Variants in LMLN observed in about 807,000 individuals in gnomAD.
LMLN encodes the protein leishmanolysin like peptidase, also known as leishmanolysin-like peptidase.
Under a neutral mutation model 92.3 loss-of-function variants are expected in LMLN, and 70 were observed. The observed-to-expected ratio is 0.76, with a 90% CI of 0.63 to 0.92. The LOEUF (loss-of-function observed/expected upper bound fraction) is 0.92. LMLN is among the 40% of genes least tolerant of loss of function. The probability of loss-of-function intolerance (pLI) is 0.00; values close to 1 mark genes in which losing one functional copy is unlikely to be tolerated. For synonymous variants in LMLN, 308 were observed against 296.2 expected (o/e 1.04, Z -0.41); for missense variants, 691 against 814.6 (o/e 0.85, Z 1.85).
At chr3:197,999,436 A>G in intron 11 of LMLN, 94 bp downstream of exon 11, 1 of 810,544 alleles carries the variant, frequency 1.2e-6, no homozygotes, top group South Asian at 1.5e-5. Context: ...TTTTATGCTG[A>G]AGCAAAATAT....
At chr3:197,965,082 A>G (rs1466097434) in intron 1 of LMLN, among the ~76,000 whole-genome samples, 1 of 151,556 alleles carries the variant, frequency 6.6e-6, no homozygotes, top group African/African-American at 2.4e-5. Flanking sequence ...TGATATGATC[A>G]TAGCTCACTG....
At chr3:198,036,330 T>A (rs1044631880) in intron 15 of LMLN, among the ~76,000 whole-genome samples, 8 of 152,190 alleles carry the variant, frequency 5.3e-5, no homozygotes, top group African/African-American at 1.7e-4. Flanking sequence ...GTTGTATCCA[T>A]TCATTTGGAA....
chr3:198,040,486 A>G (rs1044766374), exon 16 of LMLN: 3 of 152,284 alleles, frequency 2.0e-5, no homozygotes, highest in Non-Finnish European at 2.9e-5. Context: ...TCTCAAGCTA[A>G]TGAAGTCCTA....
intron 5 of LMLN, among the ~76,000 whole-genome samples, chr3:197,978,770 C>T (rs1006167213): frequency 6.6e-6 from 1 of 152,140 alleles, no homozygotes; most frequent in African/African-American, 2.4e-5. Flanking sequence ...GTGGGCGGAT[C>T]ACCTGAGGTC....
In LMLN at chr3:198,037,816, A is replaced by G. The variant is rs547277583; in HGVS notation, c.1868-751A>G. 3.1e-4 allele frequency among the ~76,000 whole-genome samples: 47 copies of G among 152,344 alleles called. No individual in the cohort carries two copies. The Middle Eastern group carries it at 0.02, about 66-fold the overall frequency. On this transcript the variant is annotated intron_variant, in intron 15 of 15. Coordinates refer to ENST00000330198, the Ensembl canonical transcript of LMLN. ...GAATTAAAATATACCTCTAGTGCCC[A>G]AAATCTGTAGAATCTTCTGCTGTTT... is the stretch of plus-strand genomic sequence containing the variant.
At chr3:197,978,170 T>C (rs1328505078) in intron 5 of LMLN, among the ~76,000 whole-genome samples, 2 of 151,700 alleles carry the variant, frequency 1.3e-5, no homozygotes, top group Non-Finnish European at 2.9e-5. Context: ...TGGATACATA[T>C]AAAAATCATC....
intron 10 of LMLN, 195 bp downstream of exon 10, chr3:197,996,477 G>A: frequency 5.1e-6 from 2 of 391,184 alleles, no homozygotes; most frequent in Non-Finnish European, 9.1e-6. Flanking sequence ...ATATATGTAT[G>A]TGTGTGCAAA....
intron 13 of LMLN, among the ~76,000 whole-genome samples, chr3:198,023,127 G>A (rs1372516832): frequency 3.3e-5 from 5 of 152,222 alleles, no homozygotes; most frequent in African/African-American, 7.2e-5. Flanking sequence ...CAGTATGTAC[G>A]TGAATGAATG....
exon 16 of LMLN, chr3:198,041,855 G>A (rs1723413557): frequency 6.6e-6 from 1 of 152,150 alleles, no homozygotes; most frequent in South Asian, 2.1e-4. Flanking sequence ...CTGTTGTGTA[G>A]TGGCACCGTT....
chr3:198,017,898 A>G (rs1722683253), intron 11 of LMLN, among the ~76,000 whole-genome samples: 2 of 152,324 alleles, frequency 1.3e-5, no homozygotes, highest in South Asian at 4.1e-4. Flanking sequence ...GCCTGGCGAC[A>G]GAGCAAGACT....
At chr3:197,991,271 TTTTGTTTA>T (rs1306047276) in intron 9 of LMLN, among the ~76,000 whole-genome samples, 1 of 151,778 alleles carries the variant, frequency 6.6e-6, no homozygotes, top group Admixed American at 6.6e-5. Context: ...GCCCAGCTAA[TTTTGTTTA>T]TTTTTTTGTA....
intron 9 of LMLN, among the ~76,000 whole-genome samples, chr3:197,992,415 C>T (rs1721900935): frequency 6.6e-6 from 1 of 152,040 alleles, no homozygotes; most frequent in Non-Finnish European, 1.5e-5. Flanking sequence ...TTTAGTTAGA[C>T]TAAGAAGATG....
chr3:198,020,768 A>ATTTTTTTT (rs71166715), intron 12 of LMLN, among the ~76,000 whole-genome samples: 1,718 of 32,858 alleles, frequency 0.052, 127 homozygotes, highest in Non-Finnish European at 0.06. Flanking sequence ...TAATTTTTGT[A>ATTTTTTTT]TTTTTTTTTT....
At chr3:197,964,730 G>A (rs1050060356) in intron 1 of LMLN, among the ~76,000 whole-genome samples, 3 of 151,302 alleles carry the variant, frequency 2.0e-5, no homozygotes, top group African/African-American at 7.3e-5. Context: ...GGTCTTGGTC[G>A]GGTGCAGTGG....
chr3:197,963,331 G>A (rs1182776718), intron 1 of LMLN, among the ~76,000 whole-genome samples: 1 of 151,756 alleles, frequency 6.6e-6, no homozygotes, highest in East Asian at 1.9e-4. Context: ...AATCTCCCAA[G>A]TAGCTGGGAC....
intron 3 of LMLN, 35 bp downstream of exon 3, chr3:197,975,107 C>G: frequency 8.2e-7 from 1 of 1,213,596 alleles, no homozygotes; most frequent in Non-Finnish European, 1.2e-6. Flanking sequence ...GAATTGGACA[C>G]TTAAAATTTT....
At chr3:197,974,058 C>T (rs1721301415) in intron 1 of LMLN, among the ~76,000 whole-genome samples, 1 of 152,160 alleles carries the variant, frequency 6.6e-6, no homozygotes. Context: ...GTCATTTTCT[C>T]AAGACTCAAA....
Position 198,024,013 on chromosome 3 carries a change from T to C in LMLN, c.1526-645T>C, listed in dbSNP as rs188452722. 1.1e-4 allele frequency among the ~76,000 whole-genome samples: 17 copies of C among 152,292 alleles called. No individual in the cohort carries two copies. In the East Asian group the frequency reaches 3.3e-3, roughly 29 times the overall value. The stretch of plus-strand genomic sequence containing the variant: ...CATCCTATCATGAGTAATTTGGAGG[T>C]GCCTCCTATTTAGACCACCAGTGAA... On this transcript the variant is annotated intron_variant, in intron 13 of 15. Coordinates refer to ENST00000330198, the Ensembl canonical transcript of LMLN.
rs947932879 is a variant in LMLN, at chr3:198,025,360, A to C, written c.1656+572A>C. On this transcript the variant is annotated intron_variant, in intron 14 of 15. Transcript: ENST00000330198. The surrounding 1 kb of genome is among the most constrained non-coding windows in gnomAD (Gnocchi z 4.3). ...TAGAAATCCAAAAAGGGCAAACTAC[A>C]ATTTTTTTTCCTTTTTCTTTTTCTT... Among the ~76,000 whole-genome samples, 1 of 152,100 alleles carries C rather than the reference A, an allele frequency of 6.6e-6. No individual in the cohort carries two copies. Among genetic ancestry groups the C allele is most frequent in the Non-Finnish European group, 1.5e-5 (1 of 68,014 alleles).
Sources: allele counts gnomAD v4.1 joint callset (sites outside exome capture counted in the v4.1 genomes callset), GRCh38; gene constraint gnomAD v4.1.1; non-coding constraint Gnocchi (gnomAD v3.1); transcripts MANE v1.5; gene names NCBI Gene and HGNC (gene_info 2026-07-23, HGNC 2026-07-21).